FAM76A: variants seen among roughly 807,000 people sequenced by gnomAD.
The protein encoded by FAM76A is protein FAM76A.
Under a neutral mutation model 46.2 loss-of-function variants are expected in FAM76A, and 32 were observed. The observed-to-expected ratio is 0.69, with a 90% CI of 0.52 to 0.93. The LOEUF (loss-of-function observed/expected upper bound fraction) is 0.93. FAM76A is among the 40% of genes least tolerant of loss of function. FAM76A has a pLI of 0.00. For missense variants in FAM76A, 274 were observed against 361.5 expected (o/e 0.76, Z 1.96); for synonymous variants, 137 against 127.0 (o/e 1.08, Z -0.53).
chr1:27,759,546 T>G lies in FAM76A; in HGVS notation c.756T>G (p.Asp252Glu), dbSNP rs746630944. ...KEKKITELKA[D>E]FQYQESQMRA... The stretch of plus-strand genomic sequence containing the variant: ...CTCAGATTACAGAGTTGAAGGCTGA[T>G]TTTCAGTACCAGGAATCGCAGATGA... Residue 252 changes from aspartate to glutamate, a missense_variant, in exon 8 of 9, where the codon GAT (aspartate) becomes GAG (glutamate). Transcript: ENST00000373954. The G allele has an allele frequency of 9.3e-6, 15 of 1,612,930 alleles. No homozygotes were observed. The highest frequency in any genetic ancestry group is 1.7e-6 in the Non-Finnish European group (2 of 1,179,570).
chr1:27,756,658 A>C (rs1470350927), intron 7 of FAM76A, among the ~76,000 whole-genome samples: 2 of 152,042 alleles, frequency 1.3e-5, no homozygotes, highest in Non-Finnish European at 2.9e-5. Flanking sequence ...CTTCACATTA[A>C]TATCTTCAGA....
At chr1:27,734,860 G>A (rs2088018640) in intron 4 of FAM76A, among the ~76,000 whole-genome samples, 1 of 152,194 alleles carries the variant, frequency 6.6e-6, no homozygotes, top group Admixed American at 6.5e-5. Context: ...TTTATCTGTT[G>A]AAATTCAAGA....
In FAM76A at chr1:27,726,076, C is replaced by A; in HGVS notation, c.-5C>A. 7.9e-7 allele frequency: 1 copy of A among 1,260,156 alleles called. No homozygotes were observed. The highest frequency in any genetic ancestry group is 1.0e-6 in the Non-Finnish European group (1 of 1,001,826). 78.1% of individuals were successfully genotyped at this position (1,260,156 alleles called of 1,614,324 possible). ...GCGGGTCGGTGAGCGCGGCCCGGGCCGGACATGGCGGCGCTCTACGCCTGC... is the reference window on the plus strand; with the variant it reads ...GCGGGTCGGTGAGCGCGGCCCGGGCAGGACATGGCGGCGCTCTACGCCTGC... On this transcript the variant is annotated 5_prime_UTR_variant, in exon 1 of 9. Coordinates refer to ENST00000373954, the MANE Select transcript of FAM76A (RefSeq NM_152660.3).
At chr1:27,743,858 T>C (rs1271622591) in intron 4 of FAM76A, among the ~76,000 whole-genome samples, 2 of 152,016 alleles carry the variant, frequency 1.3e-5, no homozygotes, top group Non-Finnish European at 2.9e-5. Flanking sequence ...GGAGGATTGC[T>C]TGAGCCCAGA....
At chr1:27,743,926 G>A (rs1171952540) in intron 4 of FAM76A, among the ~76,000 whole-genome samples, 1 of 151,180 alleles carries the variant, frequency 6.6e-6, no homozygotes, top group Non-Finnish European at 1.5e-5. Context: ...GGGTGAGTGA[G>A]ATCCTATCAC....
At chr1:27,760,002 GC>G in intron 8 of FAM76A, 1 of 458,010 alleles carries the variant, frequency 2.2e-6, no homozygotes, top group South Asian at 1.5e-5. Context: ...TGAACTCCTG[GC>G]TTCAAGCAAT....
intron 4 of FAM76A, among the ~76,000 whole-genome samples, chr1:27,742,827 G>A (rs1374014238): frequency 4.6e-5 from 7 of 152,048 alleles, no homozygotes; most frequent in Admixed American, 3.3e-4. Context: ...TTGGGAGGCC[G>A]AGGCGGGCAG....
At chr1:27,735,425 A>G (rs946256755) in intron 4 of FAM76A, among the ~76,000 whole-genome samples, 3 of 152,206 alleles carry the variant, frequency 2.0e-5, no homozygotes, top group Non-Finnish European at 4.4e-5. Context: ...TAGCTGCTCA[A>G]TAAGTATTTG....
chr1:27,730,773 C>T (rs2087943639), intron 2 of FAM76A, among the ~76,000 whole-genome samples: 1 of 152,100 alleles, frequency 6.6e-6, no homozygotes, highest in Admixed American at 6.6e-5. Flanking sequence ...GTCACTTTCA[C>T]AGGAATTATA....
chr1:27,731,605 A>G (rs2087959365), intron 2 of FAM76A, among the ~76,000 whole-genome samples: 1 of 152,164 alleles, frequency 6.6e-6, no homozygotes, highest in South Asian at 2.1e-4. Flanking sequence ...AAGGTTAGCA[A>G]AGATAGAATC....
At chr1:27,747,394 G>A (rs2088258575) in intron 5 of FAM76A, among the ~76,000 whole-genome samples, 1 of 152,230 alleles carries the variant, frequency 6.6e-6, no homozygotes, top group Non-Finnish European at 1.5e-5. Context: ...GAAGAAGGAT[G>A]CAGTATCAGT....
chr1:27,727,800 A>ATTTT (rs10716346), intron 2 of FAM76A, among the ~76,000 whole-genome samples: 21 of 64,500 alleles, frequency 3.3e-4, no homozygotes, highest in South Asian at 6.4e-4. Flanking sequence ...GATTGCTTAA[A>ATTTT]TTTTTTTTTT....
intron 4 of FAM76A, among the ~76,000 whole-genome samples, chr1:27,734,637 A>G (rs906007047): frequency 5.9e-5 from 9 of 152,326 alleles, no homozygotes; most frequent in Middle Eastern, 6.8e-3. Context: ...GAAGATATTC[A>G]TATTTTGTTT....
rs188698775 is a variant in FAM76A, at chr1:27,730,593, A to T, written c.147-2010A>T. ...AAATCTAGGCGTAAATCAAAATGCT[A>T]TTCTACATCACAGAATCATTGATGG... On this transcript the variant is annotated intron_variant, in intron 2 of 8. Coordinates refer to ENST00000373954, the MANE Select transcript of FAM76A (RefSeq NM_152660.3). Among the ~76,000 whole-genome samples the T allele has an allele frequency of 5.0e-4, 76 of 152,320 alleles. No homozygotes were observed. In the East Asian group the frequency reaches 0.013, roughly 26 times the overall value.
rs2087981533 is a variant in FAM76A, at chr1:27,732,763, T to C, written c.201+106T>C. 12 of 777,210 alleles carry C rather than the reference T, an allele frequency of 1.5e-5. No individual in the cohort carries two copies. The South Asian group carries it at 2.7e-4, about 18-fold the overall frequency. 48.1% of individuals were successfully genotyped at this position (777,210 alleles called of 1,614,324 possible). On this transcript the variant is annotated intron_variant, in intron 3 of 8. Transcript: ENST00000373954. Reference sequence around the variant, plus strand: ...ACAATATTTTTATTAGAATAAATGGTTATGTGTAATATATCTGATACTGAT... The same window carrying C: ...ACAATATTTTTATTAGAATAAATGGCTATGTGTAATATATCTGATACTGAT...
chr1:27,744,508 T>C (rs2088208298), intron 4 of FAM76A, 146 bp from the exon 5 acceptor site: 2 of 754,034 alleles, frequency 2.7e-6, no homozygotes, highest in Non-Finnish European at 4.5e-6. Context: ...ACTAGATCCT[T>C]GTAGCAGCCC....
At chr1:27,751,865 G>T (rs1464928607) in intron 6 of FAM76A, among the ~76,000 whole-genome samples, 6 of 141,906 alleles carry the variant, frequency 4.2e-5, no homozygotes, top group Admixed American at 4.2e-4. Flanking sequence ...GTGCAGTGGC[G>T]CAATTATGGC....
At chr1:27,728,708 A>T (rs12040082) in intron 2 of FAM76A, among the ~76,000 whole-genome samples, 26,389 of 152,008 alleles carry the variant, frequency 0.17, 6,061 homozygotes, top group African/African-American at 0.53. Flanking sequence ...ATGCCTGTAA[A>T]CCCAACACTT....
intron 4 of FAM76A, chr1:27,739,922 CATA>C: frequency 9.2e-6 from 2 of 217,764 alleles, no homozygotes; most frequent in Non-Finnish European, 9.2e-6. Flanking sequence ...AAGATGGACT[CATA>C]GGGTAACTTA....
Sources: gnomAD v4.1 joint callset for allele counts (sites outside exome capture counted in the v4.1 genomes callset) on GRCh38, gnomAD v4.1.1 for gene constraint, MANE v1.5 for transcripts, NCBI Gene and HGNC (gene_info 2026-07-23, HGNC 2026-07-21) for gene names.